Variants in LZTFL1 observed in about 807,000 individuals in gnomAD.
LZTFL1 encodes leucine zipper transcription factor like 1.
A neutral mutation model predicts 45.9 loss-of-function variants in LZTFL1; 25 were observed. The ratio of observed to expected loss-of-function variants is 0.54; its 90% CI spans 0.40 to 0.76. LZTFL1 has a LOEUF of 0.76. Among genes scored for constraint, LZTFL1 ranks in the 30% least tolerant of loss-of-function variants. The pLI is 0.00. For missense variants in LZTFL1, 277 were observed against 331.1 expected (o/e 0.84, Z 1.27); for synonymous variants, 93 against 117.4 (o/e 0.79, Z 1.35).
chr3:45,857,974 A>T (rs1274637753), intron 3 of LZTFL1, among the ~76,000 whole-genome samples: 1 of 152,228 alleles, frequency 6.6e-6, no homozygotes, highest in African/African-American at 2.4e-5. Context: ...CAAATTGGTT[A>T]ATCATAATGA....
intron 2 of LZTFL1, among the ~76,000 whole-genome samples, chr3:45,887,261 G>T (rs1366785211): frequency 6.6e-6 from 1 of 151,822 alleles, no homozygotes; most frequent in Admixed American, 6.6e-5. Context: ...CTGTGTGTGT[G>T]TGTGTGTGTG....
intron 2 of LZTFL1, among the ~76,000 whole-genome samples, chr3:45,866,382 GC>G (rs750922865): frequency 9.9e-5 from 15 of 151,990 alleles, no homozygotes; most frequent in Non-Finnish European, 1.6e-4. Context: ...AAATTTAAAA[GC>G]CCCTACACTT....
chr3:45,915,342 G>A (rs972202459), intron 1 of LZTFL1: 7 of 339,826 alleles, frequency 2.1e-5, no homozygotes, highest in South Asian at 1.3e-4. Flanking sequence ...TCCCCGCACC[G>A]CCCACCTCCG....
At chr3:45,909,731 G>A (rs575793873) in intron 2 of LZTFL1, among the ~76,000 whole-genome samples, 4 of 152,356 alleles carry the variant, frequency 2.6e-5, no homozygotes, top group South Asian at 4.1e-4. Flanking sequence ...CAGCAAGCTC[G>A]GAAAGGCCTC....
At position 45,901,255 on chromosome 3, in the gene LZTFL1, C is replaced by A. The variant is rs775184107; in HGVS notation, c.-215+11865G>T. ...ATTGCCCAGGCCATGAGAGCACATA[C>A]TTGGAGGGAGAAAAGGCTTTTGTAC... On this transcript the variant is annotated intron_variant, in intron 2 of 4. Transcript: ENST00000472635. The surrounding 1 kb of genome is among the most constrained non-coding windows in gnomAD (Gnocchi z 4.3). 1.9e-6 allele frequency: 3 copies of A among 1,614,194 alleles called. No homozygotes were observed. The South Asian group carries it at 3.3e-5, about 18-fold the overall frequency.
chr3:45,908,280 G>T (rs1011906679), intron 2 of LZTFL1, among the ~76,000 whole-genome samples: 4 of 152,222 alleles, frequency 2.6e-5, no homozygotes, highest in African/African-American at 9.6e-5. Context: ...TGCCGTGTCA[G>T]AAGGCTGCCC....
At chr3:45,911,278 T>C (rs768083825) in intron 2 of LZTFL1, among the ~76,000 whole-genome samples, 11 of 152,226 alleles carry the variant, frequency 7.2e-5, no homozygotes, top group Non-Finnish European at 1.2e-4. Flanking sequence ...ACTCTGTAAA[T>C]TAACTCATCT....
At chr3:45,913,599 C>T (rs1702842778) in intron 1 of LZTFL1, among the ~76,000 whole-genome samples, 1 of 152,140 alleles carries the variant, frequency 6.6e-6, no homozygotes, top group Non-Finnish European at 1.5e-5. Context: ...AAAATATCTG[C>T]CATTTCTACT....
chr3:45,878,979 A>G (rs1421933860), intron 2 of LZTFL1, among the ~76,000 whole-genome samples: 1 of 152,246 alleles, frequency 6.6e-6, no homozygotes, highest in Non-Finnish European at 1.5e-5. Flanking sequence ...CCACACACCT[A>G]TTAGAATAGC....
intron 2 of LZTFL1, among the ~76,000 whole-genome samples, chr3:45,911,935 C>T (rs1479113591): frequency 6.6e-6 from 1 of 152,258 alleles, no homozygotes; most frequent in African/African-American, 2.4e-5. Flanking sequence ...ACTAAAAATA[C>T]TTCAAACGAC....
upstream of LZTFL1, among the ~76,000 whole-genome samples, chr3:45,842,836 C>T (rs979184444): frequency 1.3e-5 from 2 of 152,106 alleles, no homozygotes; most frequent in Admixed American, 6.5e-5. Context: ...ACTTTTTAAC[C>T]GATGTTCCAG....
chr3:45,889,316 TAA>T (rs1702074886), intron 2 of LZTFL1, among the ~76,000 whole-genome samples: 1 of 151,390 alleles, frequency 6.6e-6, no homozygotes, highest in Admixed American at 6.6e-5. Flanking sequence ...AAAAAAAAAA[TAA>T]AGAGAAACCT....
At chr3:45,865,237 T>C (rs1439680695) in intron 2 of LZTFL1, among the ~76,000 whole-genome samples, 1 of 152,224 alleles carries the variant, frequency 6.6e-6, no homozygotes, top group Non-Finnish European at 1.5e-5. Context: ...TGAAGAGACC[T>C]GCCTCTTTCA....
At chr3:45,912,279 T>C (rs1270134047) in intron 2 of LZTFL1, among the ~76,000 whole-genome samples, 3 of 152,234 alleles carry the variant, frequency 2.0e-5, no homozygotes, top group Non-Finnish European at 4.4e-5. Flanking sequence ...GGTGGAAATA[T>C]GTGCAAGAAG....
intron 2 of LZTFL1, chr3:45,897,432 G>A: frequency 1.4e-6 from 1 of 695,160 alleles, no homozygotes; most frequent in Non-Finnish European, 2.6e-6. Context: ...GCTTCCAGCA[G>A]GACACAATGT....
At chr3:45,844,800 A>G (rs753353918), upstream of LZTFL1, among the ~76,000 whole-genome samples, 1 of 152,212 alleles carries the variant, frequency 6.6e-6, no homozygotes, top group African/African-American at 2.4e-5. Context: ...AAAACACCCT[A>G]GTGACCAGCA....
chr3:45,849,911 T>G (rs1371797258), intron 4 of LZTFL1, among the ~76,000 whole-genome samples: 1 of 152,188 alleles, frequency 6.6e-6, no homozygotes, highest in African/African-American at 2.4e-5. Context: ...AAAATTTGCA[T>G]TTTAAGAGAT....
chr3:45,828,655 A>C (rs1559400910), intron 7 of LZTFL1, 40 bp from the exon 8 acceptor site: 2 of 1,487,056 alleles, frequency 1.3e-6, no homozygotes, highest in Admixed American at 3.7e-5. Context: ...TCATGTTGAT[A>C]TTCTAAAAAT....
At chr3:45,910,637 G>C (rs1702777615) in intron 2 of LZTFL1, among the ~76,000 whole-genome samples, 1 of 152,092 alleles carries the variant, frequency 6.6e-6, no homozygotes, top group Non-Finnish European at 1.5e-5. Context: ...CTTGTGTCAG[G>C]TTTGCTATGA....
Sources: gnomAD v4.1 joint callset for allele counts (sites outside exome capture counted in the v4.1 genomes callset) on GRCh38, gnomAD v4.1.1 for gene constraint, Gnocchi (gnomAD v3.1) non-coding constraint, MANE v1.5 for transcripts, NCBI Gene and HGNC (gene_info 2026-07-23, HGNC 2026-07-21) for gene names.